The following TENM3 variants were observed in gnomAD, a reference collection of about 807,000 sequenced individuals.
TENM3 encodes teneurin transmembrane protein 3.
In TENM3, 63 loss-of-function variants were observed where a neutral mutation model predicts 255.1. The ratio of observed to expected loss-of-function variants is 0.25; its 90% CI spans 0.20 to 0.30. TENM3 has a LOEUF of 0.30. Among genes scored for constraint, TENM3 ranks in the 10% least tolerant of loss-of-function variants. The probability of loss-of-function intolerance (pLI) is 1.00; values close to 1 mark genes in which losing one functional copy is unlikely to be tolerated. For synonymous variants in TENM3, 1,306 were observed against 1,322.3 expected, an observed-to-expected ratio of 0.99 and a Z score of 0.27; for missense variants, 2,929 against 3,461.1, an observed-to-expected ratio of 0.85 and a Z score of 3.86.
At chr4:182,714,296 G>A (rs995114443) in intron 13 of TENM3, 63 bp downstream of exon 13, 8 of 319,112 alleles carry the variant, frequency 2.5e-5, no homozygotes, top group Non-Finnish European at 3.5e-5. Context: ...GTGACAGTGA[G>A]TACATAGATA....
the TENM3 span, among the ~76,000 whole-genome samples, chr4:182,126,464 T>C: frequency 2.8e-4 from 42 of 152,156 alleles, no homozygotes; most frequent in Non-Finnish European, 5.0e-4. Context: ...TGCTTTAGAA[T>C]GAAGAATGCT....
At chr4:182,052,823 C>T in the TENM3 span, among the ~76,000 whole-genome samples, 2 of 152,116 alleles carry the variant, frequency 1.3e-5, no homozygotes, top group Non-Finnish European at 2.9e-5. Context: ...CATTTCTCCA[C>T]ATAAATATTT....
intron 3 of TENM3, among the ~76,000 whole-genome samples, chr4:182,510,693 T>A (rs1169874493): frequency 1.3e-5 from 2 of 152,232 alleles, no homozygotes; most frequent in Non-Finnish European, 2.9e-5. Context: ...ATCTTCGACA[T>A]GTATTTCTGC....
At chr4:181,641,305 C>T in the TENM3 span, among the ~76,000 whole-genome samples, 246 of 151,560 alleles carry the variant, frequency 1.6e-3, no homozygotes, top group African/African-American at 5.4e-3. Flanking sequence ...ACCTACATTA[C>T]GTATTTCTCC....
At chr4:182,362,712 C>T (rs187019575) in intron 3 of TENM3, among the ~76,000 whole-genome samples, 40 of 152,278 alleles carry the variant, frequency 2.6e-4, no homozygotes, top group African/African-American at 9.4e-4. Flanking sequence ...TCGGCTCGCA[C>T]ACGGTGCACG....
chr4:182,265,472 C>T (rs527654805), intron 1 of TENM3, among the ~76,000 whole-genome samples: 2 of 152,262 alleles, frequency 1.3e-5, no homozygotes, highest in Admixed American at 6.5e-5. Flanking sequence ...GCCCTGTCTT[C>T]TCCCGTAGTG....
the TENM3 span, among the ~76,000 whole-genome samples, chr4:181,805,615 T>TGTG: frequency 7.3e-6 from 1 of 137,890 alleles, no homozygotes; most frequent in East Asian, 2.2e-4. Context: ...GTGTGTGTGG[T>TGTG]GTGTGTGTGT....
At chr4:181,727,593 C>T in the TENM3 span, among the ~76,000 whole-genome samples, 2 of 152,110 alleles carry the variant, frequency 1.3e-5, no homozygotes, top group African/African-American at 4.8e-5. Flanking sequence ...TTTCTTTACC[C>T]TTAGAGAAAG....
At chr4:182,118,709 G>A in the TENM3 span, among the ~76,000 whole-genome samples, 9 of 152,266 alleles carry the variant, frequency 5.9e-5, no homozygotes, top group South Asian at 1.2e-3. Flanking sequence ...CTGCATCTAT[G>A]AAAATGGTCA....
At chr4:182,722,071 G>A (rs989893476) in intron 13 of TENM3, among the ~76,000 whole-genome samples, 2 of 152,076 alleles carry the variant, frequency 1.3e-5, no homozygotes, top group Non-Finnish European at 2.9e-5. Context: ...TTTGTCTGAG[G>A]TTTATCTTTT....
chr4:182,615,048 T>TACAC (rs774611778), intron 4 of TENM3, among the ~76,000 whole-genome samples: 18 of 80,114 alleles, frequency 2.2e-4, no homozygotes, highest in African/African-American at 5.2e-4. Flanking sequence ...AAAAAATACA[T>TACAC]ATATATATAT....
At chr4:182,720,126 G>A (rs1235571296) in intron 13 of TENM3, among the ~76,000 whole-genome samples, 1 of 151,926 alleles carries the variant, frequency 6.6e-6, no homozygotes, top group Non-Finnish European at 1.5e-5. Context: ...CTAGAAAAGG[G>A]GAGTGAAGGA....
chr4:182,067,980 G>A, the TENM3 span, among the ~76,000 whole-genome samples: 8 of 151,986 alleles, frequency 5.3e-5, no homozygotes, highest in African/African-American at 1.5e-4. Flanking sequence ...GAGAACTAGC[G>A]ATTTCTGGAA....
At chr4:182,292,725 C>T (rs1459738868) in intron 1 of TENM3, among the ~76,000 whole-genome samples, 1 of 152,144 alleles carries the variant, frequency 6.6e-6, no homozygotes, top group African/African-American at 2.4e-5. Flanking sequence ...GCGCTCTCTG[C>T]CCTTAAAGAA....
chr4:181,996,637 C>T, the TENM3 span, among the ~76,000 whole-genome samples: 2 of 152,092 alleles, frequency 1.3e-5, no homozygotes, highest in Non-Finnish European at 2.9e-5. Flanking sequence ...GTGGAGAATG[C>T]ACTGCAGGGA....
At chr4:182,596,584 C>G (rs760326452) in intron 3 of TENM3, among the ~76,000 whole-genome samples, 1 of 152,108 alleles carries the variant, frequency 6.6e-6, no homozygotes, top group African/African-American at 2.4e-5. Flanking sequence ...AAATGTCTTT[C>G]CAGAGAGAAG....
chr4:181,804,650 A>G, the TENM3 span, among the ~76,000 whole-genome samples: 2 of 152,188 alleles, frequency 1.3e-5, no homozygotes, highest in Non-Finnish European at 2.9e-5. Context: ...AGAGATGTGG[A>G]GAGTGTTGGG....
At chr4:181,544,309 C>A in the TENM3 span, among the ~76,000 whole-genome samples, 2 of 148,490 alleles carry the variant, frequency 1.3e-5, no homozygotes, top group Non-Finnish European at 3.0e-5. Context: ...AATTTCTGAT[C>A]CATTGCTAAC....
chr4:181,456,498 A>G, the TENM3 span, among the ~76,000 whole-genome samples: 1 of 151,890 alleles, frequency 6.6e-6, no homozygotes, highest in Non-Finnish European at 1.5e-5. Flanking sequence ...TTATTTTGAT[A>G]GCTTTTAGGT....
Sources: gnomAD v4.1 joint callset for allele counts (sites outside exome capture counted in the v4.1 genomes callset) on GRCh38, gnomAD v4.1.1 for gene constraint, MANE v1.5 for transcripts, NCBI Gene and HGNC (gene_info 2026-07-23, HGNC 2026-07-21) for gene names.